The following RNASEH2B variants were observed in gnomAD, a reference collection of about 807,000 sequenced individuals.
The protein encoded by RNASEH2B is ribonuclease H2 subunit B.
Under a neutral mutation model 45.0 loss-of-function variants are expected in RNASEH2B, and 36 were observed. The observed-to-expected ratio is 0.80, with a 90% CI of 0.61 to 1.06. The LOEUF (loss-of-function observed/expected upper bound fraction) is 1.06, where lower values mean the gene tolerates loss of function less well. RNASEH2B is among the 50% of genes least tolerant of loss of function. The pLI, the probability that RNASEH2B is intolerant of heterozygous loss-of-function variation, is 0.00. For synonymous variants in RNASEH2B, 119 were observed against 125.7 expected, an observed-to-expected ratio of 0.95 and a Z score of 0.35; for missense variants, 361 against 360.3, an observed-to-expected ratio of 1.00 and a Z score of -0.02.
At chr13:50,920,695 A>G (rs1422269826) in intron 1 of RNASEH2B, among the ~76,000 whole-genome samples, 2 of 152,236 alleles carry the variant, frequency 1.3e-5, no homozygotes, top group African/African-American at 4.8e-5. Context: ...TTGGAAGCAT[A>G]GTTTTGGAAG....
At chr13:50,936,832 G>A (rs1951758088) in intron 5 of RNASEH2B, 1 of 152,138 alleles carries the variant, frequency 6.6e-6, no homozygotes, top group South Asian at 2.1e-4. Context: ...GAGAGCAAGA[G>A]GCTCTCTCTG....
rs187170706 is a variant in RNASEH2B, at chr13:50,954,155, G to A, written c.822+170G>A. The A allele has an allele frequency of 1.8e-4, 121 of 667,506 alleles. 1 individual carries two copies. The African/African-American group carries it at 2.1e-3, about 11-fold the overall frequency. 41.3% of individuals were successfully genotyped at this position (667,506 alleles called of 1,614,324 possible). On this transcript the variant is annotated intron_variant, in intron 10 of 10. Transcript: ENST00000336617. Reference sequence around the variant, plus strand: ...AAGAATTGCATATGACAATGAAAATGTTAAGCAACTAAGACTTATTATTAG... The same window carrying A: ...AAGAATTGCATATGACAATGAAAATATTAAGCAACTAAGACTTATTATTAG...
At position 50,970,253 on chromosome 13, in the gene RNASEH2B, A is replaced by AT. The variant is rs1437561717; in HGVS notation, c.*290dup. 3 of 545,740 alleles carry AT rather than the reference A, an allele frequency of 5.5e-6. No homozygotes were observed. In the African/African-American group the frequency reaches 5.9e-5, roughly 11 times the overall value. 33.8% of individuals were successfully genotyped at this position (545,740 alleles called of 1,614,324 possible). A position where few individuals can be genotyped will look rare whatever the true frequency, so the allele number is the denominator to read the frequency against. On this transcript the variant is annotated 3_prime_UTR_variant, in exon 10 of 10. Transcript: ENST00000422660. The stretch of plus-strand genomic sequence containing the variant: ...GACCTCAAGCTTGGGTCAGGCCAGC[A>AT]TGTTTTAGGTATGGATGTGGTGACT...
chr13:50,925,425 G>A (rs2137918236), intron 1 of RNASEH2B, among the ~76,000 whole-genome samples: 1 of 152,088 alleles, frequency 6.6e-6, no homozygotes, highest in South Asian at 2.1e-4. Flanking sequence ...TTGTCTTTTT[G>A]GGTGATGAGT....
At chr13:50,953,802 C>A in intron 9 of RNASEH2B, 103 bp from the exon 10 acceptor site, 4 of 759,660 alleles carry the variant, frequency 5.3e-6, no homozygotes, top group South Asian at 1.5e-5. Flanking sequence ...CTGTCCCATT[C>A]GCCTCTGTAG....
rs1172906046 is a variant in RNASEH2B at position 50,945,545 on chromosome 13, T to C, written c.616+13T>C. 6.3e-7 allele frequency: 1 copy of C among 1,579,582 alleles called. No homozygotes were observed. The highest frequency in any genetic ancestry group is 1.3e-5 in the African/African-American group (1 of 74,196). ...ACTGACAAGGAAGGTAAGTAAAGCA[T>C]TTTATCAGAAAAGATTTTTGTCTGG... On this transcript the variant is annotated intron_variant, in intron 7 of 10. Transcript: ENST00000336617.
At chr13:50,935,376 C>T (rs1204640618) in intron 5 of RNASEH2B, 6 of 279,006 alleles carry the variant, frequency 2.2e-5, no homozygotes, top group Non-Finnish European at 4.2e-5. Flanking sequence ...CGAGCACCTT[C>T]CAAAAAGCAT....
intron 1 of RNASEH2B, among the ~76,000 whole-genome samples, chr13:50,926,704 A>G (rs910435494): frequency 5.3e-5 from 8 of 152,288 alleles, no homozygotes; most frequent in Admixed American, 3.9e-4. Flanking sequence ...GATACAAAGG[A>G]TACAACCATA....
In RNASEH2B at chr13:50,910,190, G is replaced by A. The variant is rs1404631911; in HGVS notation, c.64+50G>A. 6 of 1,311,478 alleles carry A rather than the reference G, an allele frequency of 4.6e-6. No homozygotes were observed. In the African/African-American group the frequency reaches 7.8e-5, roughly 17 times the overall value. The allele number at this position is 1,311,478 out of a possible 1,614,324, so 81.2% of individuals were successfully genotyped here. On this transcript the variant is annotated intron_variant, in intron 1 of 10. Transcript: ENST00000336617. ...GGGTCGGCCCAAGAACTGGCGGAGC[G>A]GCCCGCGACCCCGGGCGCGCCGCCC...
intron 9 of RNASEH2B, among the ~76,000 whole-genome samples, chr13:50,964,317 G>A (rs182852881): frequency 6.6e-6 from 1 of 152,252 alleles, no homozygotes; most frequent in Non-Finnish European, 1.5e-5. Context: ...TTGAAACTAT[G>A]TTAATATCCT....
intron 5 of RNASEH2B, chr13:50,936,537 A>T (rs931809495): frequency 1.3e-5 from 2 of 152,230 alleles, no homozygotes; most frequent in East Asian, 1.9e-4. Context: ...TTATCAAAGC[A>T]GTTCCATTAA....
chr13:50,932,696 TTGAG>T, intron 4 of RNASEH2B, among the ~76,000 whole-genome samples: 1 of 152,212 alleles, frequency 6.6e-6, no homozygotes, highest in East Asian at 1.9e-4. Flanking sequence ...ATTAATAACT[TTGAG>T]TGATAAGTGT....
chr13:50,970,401 T>C (rs1158813934), exon 10 of RNASEH2B: 1 of 315,874 alleles, frequency 3.2e-6, no homozygotes, highest in Non-Finnish European at 5.7e-6. Flanking sequence ...TTCATAAATA[T>C]ACCTAAACGT....
chr13:50,927,938 TTCCCTATTTTCTTCTGA>T (rs1474096048), intron 2 of RNASEH2B, among the ~76,000 whole-genome samples: 1 of 151,738 alleles, frequency 6.6e-6, no homozygotes, highest in Non-Finnish European at 1.5e-5. Context: ...TTAGCTATAC[TTCCCTATTTTCTTCTGA>T]CCAAAAAGTA....
chr13:50,952,506 A>G (rs1951989645), intron 9 of RNASEH2B: 2 of 152,164 alleles, frequency 1.3e-5, no homozygotes, highest in Non-Finnish European at 2.9e-5. Flanking sequence ...GGTTCAAGCA[A>G]TTCTTGTGCC....
chr13:50,948,028 A>T lies in RNASEH2B; in HGVS notation c.658A>T (p.Ile220Phe). The T allele has an allele frequency of 6.2e-7, 1 of 1,611,616 alleles. No individual in the cohort carries two copies. The highest frequency in any genetic ancestry group is 8.5e-7 in the Non-Finnish European group (1 of 1,179,290). ...RYAHGLISDY[I>F]PKELSDDLSK... is the part of the protein sequence containing the mutation. Reference sequence around the variant, plus strand: ...TGCCCATGGTCTGATATCTGACTACATCCCTAAAGAATTAAGTGATGACTT... The same window carrying T: ...TGCCCATGGTCTGATATCTGACTACTTCCCTAAAGAATTAAGTGATGACTT... The change falls in exon 8 of 11, where the codon ATC (isoleucine) becomes TTC (phenylalanine). Residue 220 changes from isoleucine (I) to phenylalanine (F), a missense_variant. Coordinates refer to ENST00000336617, the MANE Select transcript of RNASEH2B (RefSeq NM_024570.4).
At chr13:50,919,011 A>C (rs1173339659) in intron 1 of RNASEH2B, among the ~76,000 whole-genome samples, 5 of 152,226 alleles carry the variant, frequency 3.3e-5, no homozygotes, top group African/African-American at 1.2e-4. Context: ...TCCTCCATGT[A>C]ACAGTGGGTG....
At chr13:50,952,622 C>G (rs7321027) in intron 9 of RNASEH2B, 97,036 of 152,048 alleles carry the variant, frequency 0.64, 31,413 homozygotes, top group African/African-American at 0.71. Flanking sequence ...GGCTGATCTC[C>G]AACTCCTGGC....
intron 1 of RNASEH2B, among the ~76,000 whole-genome samples, chr13:50,918,481 C>G (rs369526256): frequency 1.3e-5 from 2 of 152,278 alleles, no homozygotes; most frequent in South Asian, 4.1e-4. Context: ...GAAAGTTACA[C>G]TTAGAGGAAT....
Sources: gnomAD v4.1 joint callset for allele counts (sites outside exome capture counted in the v4.1 genomes callset) on GRCh38, gnomAD v4.1.1 for gene constraint, MANE v1.5 for transcripts, NCBI Gene and HGNC (gene_info 2026-07-23, HGNC 2026-07-21) for gene names.